The following ATXN1 variants were observed in gnomAD, a reference collection of about 807,000 sequenced individuals.
ATXN1 encodes the protein ataxin 1.
Under a neutral mutation model 56.4 loss-of-function variants are expected in ATXN1, and 8 were observed. The ratio of observed to expected loss-of-function variants is 0.14; its 90% confidence interval spans 0.08 to 0.26. The LOEUF (loss-of-function observed/expected upper bound fraction) is 0.26, where lower values mean the gene tolerates loss of function less well. Ranked by LOEUF, ATXN1 falls within the 10% of genes least tolerant of loss-of-function variation. The pLI, the probability that ATXN1 is intolerant of heterozygous loss-of-function variation, is 1.00. For missense variants in ATXN1, 987 were observed against 1,106.5 expected (o/e 0.89, Z 1.53); for synonymous variants, 514 against 494.6 (o/e 1.04, Z -0.52).
rs1195309220 is a variant in ATXN1, at chr6:16,313,636, A to C, written c.1918-6777T>G. Among the ~76,000 whole-genome samples, 5 of 151,598 alleles carry C rather than the reference A, an allele frequency of 3.3e-5. No individual in the cohort carries two copies. In the East Asian group the frequency reaches 9.7e-4, roughly 29 times the overall value. ...CAGTGGCACCATCTCAGCTCACTGC[A>C]ATCTCTGCCTCCTGGATTCGAGCGA... On this transcript the variant is annotated intron_variant, in intron 7 of 7. Transcript: ENST00000436367.
At chr6:16,332,543 T>A (rs987137212) in intron 6 of ATXN1, among the ~76,000 whole-genome samples, 17 of 152,168 alleles carry the variant, frequency 1.1e-4, no homozygotes, top group Non-Finnish European at 1.6e-4. Flanking sequence ...TGGAAGCACC[T>A]GCCACAACAA....
chr6:16,705,996 C>T (rs1040370897), intron 2 of ATXN1, among the ~76,000 whole-genome samples: 2 of 152,002 alleles, frequency 1.3e-5, no homozygotes, highest in Non-Finnish European at 2.9e-5. Context: ...CCTTCCTGAT[C>T]GAGACCCTGA....
chr6:16,465,977 G>A (rs987460513), intron 6 of ATXN1, among the ~76,000 whole-genome samples: 19 of 152,118 alleles, frequency 1.2e-4, no homozygotes, highest in African/African-American at 4.3e-4. Context: ...AAGTCATAGC[G>A]AACTGTGTCC....
chr6:16,551,110 A>C (rs1316841807), intron 4 of ATXN1, among the ~76,000 whole-genome samples: 3 of 152,204 alleles, frequency 2.0e-5, no homozygotes, highest in Admixed American at 1.3e-4. Flanking sequence ...ACATAAATGA[A>C]GAATAAAAAG....
chr6:16,398,046 C>T (rs1009410234), intron 6 of ATXN1, among the ~76,000 whole-genome samples: 1 of 152,182 alleles, frequency 6.6e-6, no homozygotes, highest in Non-Finnish European at 1.5e-5. Context: ...TTAGACTTTA[C>T]CACAGGTTAT....
At chr6:16,364,100 G>A (rs768021534) in intron 6 of ATXN1, among the ~76,000 whole-genome samples, 17 of 152,052 alleles carry the variant, frequency 1.1e-4, no homozygotes, top group Admixed American at 8.5e-4. Flanking sequence ...AGCTGGAGTC[G>A]CTTAAAGGTA....
intron 2 of ATXN1, among the ~76,000 whole-genome samples, chr6:16,658,887 G>A (rs936659241): frequency 1.3e-5 from 2 of 152,160 alleles, no homozygotes; most frequent in African/African-American, 4.8e-5. Context: ...AATCTCCAAA[G>A]GTCCCACGGT....
intron 6 of ATXN1, among the ~76,000 whole-genome samples, chr6:16,472,180 C>T (rs1760233474): frequency 6.6e-6 from 1 of 152,146 alleles, no homozygotes; most frequent in Admixed American, 6.5e-5. Flanking sequence ...CTTCACCCCA[C>T]TTCCAAAAAT....
chr6:16,618,046 T>C (rs972111065), intron 3 of ATXN1, among the ~76,000 whole-genome samples: 1 of 145,460 alleles, frequency 6.9e-6, no homozygotes, highest in Non-Finnish European at 1.5e-5. Context: ...TTTCTAGGTA[T>C]AAAAGCAAAA....
chr6:16,419,462 AT>A (rs1758987549), intron 6 of ATXN1, among the ~76,000 whole-genome samples: 1 of 151,670 alleles, frequency 6.6e-6, no homozygotes, highest in South Asian at 2.1e-4. Context: ...TTTTATAAAT[AT>A]TTTTATAATA....
chr6:16,310,866 A>T (rs1402941631), intron 7 of ATXN1, among the ~76,000 whole-genome samples: 1 of 152,224 alleles, frequency 6.6e-6, no homozygotes, highest in African/African-American at 2.4e-5. Context: ...TAAAAGTAGT[A>T]GATTTCCACA....
chr6:16,440,649 A>AAAAAAAAAAAAAAAAAAAAAAAAAAAG lies in ATXN1; in HGVS notation c.-161+45322_-161+45323insCTTTTTTTTTTTTTTTTTTTTTTTTTT, dbSNP rs56105499. On this transcript the variant is annotated intron_variant, in intron 6 of 7. Coordinates refer to ENST00000436367, the MANE Select transcript of ATXN1 (RefSeq NM_001128164.2). ...GAGTGAGACCCTGTCTTAAAAAAAA[A>AAAAAAAAAAAAAAAAAAAAAAAAAAAG]AAAGAAAAGAAAAGAAAAAATTAAA... Among the ~76,000 whole-genome samples the AAAAAAAAAAAAAAAAAAAAAAAAAAAG allele has an allele frequency of 1.7e-4, 19 of 113,670 alleles. 1 individual carries two copies. The highest frequency in any genetic ancestry group is 5.9e-4 in the African/African-American group (16 of 27,234). The allele number at this position is 113,670 out of a possible 152,430, so 74.6% of individuals were successfully genotyped here.
At chr6:16,731,179 C>T (rs994199117) in intron 2 of ATXN1, among the ~76,000 whole-genome samples, 5 of 151,912 alleles carry the variant, frequency 3.3e-5, no homozygotes, top group Non-Finnish European at 5.9e-5. Context: ...GCAACTGAAT[C>T]ACAATCCACG....
chr6:16,451,654 C>A lies in ATXN1; in HGVS notation c.-161+34318G>T, dbSNP rs577047420. ...CCTGTAATCCCAGCTACTCAGAAGG[C>A]TGAGGCAGGAGAACCACTTGAACCC... On this transcript the variant is annotated intron_variant, in intron 6 of 7. Transcript: ENST00000436367. 2.0e-5 allele frequency among the ~76,000 whole-genome samples: 3 copies of A among 152,092 alleles called. No homozygotes were observed. In the South Asian group the frequency reaches 6.2e-4, roughly 32 times the overall value.
At chr6:16,736,787 C>G (rs1033292266) in intron 2 of ATXN1, 8 of 152,188 alleles carry the variant, frequency 5.3e-5, no homozygotes, top group African/African-American at 1.9e-4. Context: ...CGGGTACATA[C>G]GAACAGCTCC....
intron 6 of ATXN1, among the ~76,000 whole-genome samples, chr6:16,473,163 C>T (rs973024882): frequency 4.6e-5 from 7 of 152,100 alleles, no homozygotes; most frequent in South Asian, 2.1e-4. Flanking sequence ...TTATCTGCAT[C>T]GCACACATTT....
At chr6:16,366,780 GAA>G (rs770284096) in intron 6 of ATXN1, among the ~76,000 whole-genome samples, 7 of 98,434 alleles carry the variant, frequency 7.1e-5, no homozygotes, top group Admixed American at 1.1e-4. Context: ...GACTCTGTCT[GAA>G]AAAAAAAAAA....
intron 5 of ATXN1, among the ~76,000 whole-genome samples, chr6:16,515,863 T>C (rs1181254742): frequency 6.6e-6 from 1 of 152,186 alleles, no homozygotes; most frequent in Non-Finnish European, 1.5e-5. Context: ...GATGGAATCA[T>C]GGAAGCATCC....
chr6:16,329,783 A>T (rs1235272650), intron 6 of ATXN1, among the ~76,000 whole-genome samples: 1 of 152,236 alleles, frequency 6.6e-6, no homozygotes, highest in Non-Finnish European at 1.5e-5. Flanking sequence ...GTGACCCTGG[A>T]GCCAGTTCTT....
Sources: gnomAD v4.1 joint callset for allele counts (sites outside exome capture counted in the v4.1 genomes callset) on GRCh38, gnomAD v4.1.1 for gene constraint, MANE v1.5 for transcripts, NCBI Gene and HGNC (gene_info 2026-07-23, HGNC 2026-07-21) for gene names.